MRGPRX2: variants seen among roughly 807,000 people sequenced by gnomAD.
The protein encoded by MRGPRX2 is MAS related GPR family member X2.
For missense variants in MRGPRX2, 389 were observed against 404.5 expected (o/e 0.96, Z 0.33); for synonymous variants, 183 against 175.6 (o/e 1.04, Z -0.33).
At chr11:19,056,751 G>T (rs1249211565) in intron 1 of MRGPRX2, among the ~76,000 whole-genome samples, 1 of 152,146 alleles carries the variant, frequency 6.6e-6, no homozygotes, top group Non-Finnish European at 1.5e-5. Context: ...AATATGTGGG[G>T]CAGCAAGAGA....
At chr11:19,059,150 T>A (rs1166867671) in intron 1 of MRGPRX2, among the ~76,000 whole-genome samples, 1 of 152,204 alleles carries the variant, frequency 6.6e-6, no homozygotes, top group Non-Finnish European at 1.5e-5. Context: ...AAAGGCCCAT[T>A]TCTCAGCTTC....
In MRGPRX2 at chr11:19,055,715, G is replaced by T. The variant is rs1849608737; in HGVS notation, c.688C>A (p.Leu230Met). 6.2e-7 allele frequency: 1 copy of T among 1,614,096 alleles called. No individual in the cohort carries two copies. Among genetic ancestry groups the T allele is most frequent in the South Asian group, 1.1e-5 (1 of 91,082 alleles). Residue 230 changes from leucine (L) to methionine (M), a missense_variant, in exon 2 of 2, where the codon CTG (leucine) becomes ATG (methionine). By Grantham distance (15) the Leu-to-Met change is conservative. Transcript: ENST00000329773. ...RLYLTILLTVLVFLLCGLPFG... is the reference protein window; with the variant it reads ...RLYLTILLTVMVFLLCGLPFG... ...GGCAGGCCGCAGAGGAGGAACACCAGCACTGTGAGCAGGATGGTCAGGTAC... is the reference window on the plus strand; with the variant it reads ...GGCAGGCCGCAGAGGAGGAACACCATCACTGTGAGCAGGATGGTCAGGTAC...
Position 19,055,998 on chromosome 11 carries a change from G to C in MRGPRX2, c.405C>G (p.Ile135Met). Residue 135 changes from isoleucine (I) to methionine (M), a missense_variant, in exon 2 of 2, where the codon ATC becomes ATG. Coordinates refer to ENST00000329773, the MANE Select transcript of MRGPRX2 (RefSeq NM_054030.4). The part of the protein sequence containing the change: ...TERCLSVLWP[I>M]WYRCRRPRHL... The stretch of plus-strand genomic sequence containing the variant: ...GTCTGGGGCGGCGGCAGCGATACCA[G>C]ATGGGCCACAGGACGGACAGGCAGC... 3 of 1,614,236 alleles carry C rather than the reference G, an allele frequency of 1.9e-6. No individual in the cohort carries two copies. Among genetic ancestry groups the C allele is most frequent in the Non-Finnish European group, 2.5e-6 (3 of 1,180,054 alleles).
At chr11:19,059,181 T>C (rs906952987) in intron 1 of MRGPRX2, among the ~76,000 whole-genome samples, 4 of 152,212 alleles carry the variant, frequency 2.6e-5, no homozygotes, top group African/African-American at 9.6e-5. Flanking sequence ...AATGGCACCA[T>C]GTAACCATAT....
chr11:19,059,789 C>T (rs1188458400), intron 1 of MRGPRX2, among the ~76,000 whole-genome samples: 2 of 152,200 alleles, frequency 1.3e-5, no homozygotes, highest in Admixed American at 6.5e-5. Context: ...CATGTCTGTG[C>T]CTCGTCAATG....
intron 1 of MRGPRX2, among the ~76,000 whole-genome samples, chr11:19,057,156 C>T (rs1849627416): frequency 6.6e-6 from 1 of 152,034 alleles, no homozygotes; most frequent in Non-Finnish European, 1.5e-5. Context: ...AAAATTTGGG[C>T]TAAGTGGAAC....
rs746289034 is a variant in MRGPRX2, at chr11:19,056,394, T to G, written c.9A>C (p.Pro3=). 9.3e-6 allele frequency: 15 copies of G among 1,609,318 alleles called. No individual in the cohort carries two copies. The South Asian group carries it at 1.6e-4, about 18-fold the overall frequency. The stretch of plus-strand genomic sequence containing the variant: ...TTTCTGTTCCCCAGGCCGGGGTGGT[T>G]GGATCCATGCTCAGAAAACCTCCAC... MD[P]TTPAWGTEST... The change falls in exon 2 of 2, where the codon CCA becomes CCC. Residue 3 remains proline (P), a synonymous_variant. Transcript: ENST00000329773.
chr11:19,055,957 A>G lies in MRGPRX2; in HGVS notation c.446T>C (p.Val149Ala), dbSNP rs760284701. ...GGACAGGGCCCAGAGCAGGACACAC[A>G]CGACCGCTGACAGGTGTCTGGGGCG... is the stretch of plus-strand genomic sequence containing the variant. Reference protein sequence around the residue: ...CRRPRHLSAVVCVLLWALSLL... With the variant: ...CRRPRHLSAVACVLLWALSLL... Residue 149 changes from valine (V) to alanine (A), a missense_variant, in exon 2 of 2, where the codon GTG becomes GCG. Val to Ala is a moderately conservative substitution (Grantham distance 64). Transcript: ENST00000329773. The G allele has an allele frequency of 6.2e-7, 1 of 1,614,168 alleles. No individual in the cohort carries two copies. The highest frequency in any genetic ancestry group is 2.2e-5 in the East Asian group (1 of 44,876).
intron 1 of MRGPRX2, among the ~76,000 whole-genome samples, chr11:19,056,898 G>A (rs7104779): frequency 0.3 from 45,282 of 151,966 alleles, 7,072 homozygotes; most frequent in African/African-American, 0.4. Context: ...AATGGAGATT[G>A]TGATTTAGGG....
Position 19,055,578 on chromosome 11 carries a change from G to A in MRGPRX2, c.825C>T (p.Asn275=). 3.1e-6 allele frequency: 5 copies of A among 1,614,194 alleles called. No homozygotes were observed. The highest frequency in any genetic ancestry group is 1.1e-5 in the South Asian group (1 of 91,086). Residue 275 remains asparagine (N), a synonymous_variant, in exon 2 of 2, where the codon AAC becomes AAT. Transcript: ENST00000329773. The part of the protein sequence containing the change: ...VVLSSLNSSA[N]PIIYFFVGSF... ...AGCCCACGAAGAAGTAAATGATGGG[G>A]TTGGCACTGCTGTTAAGAGATGACA...
intron 1 of MRGPRX2, among the ~76,000 whole-genome samples, chr11:19,058,395 C>A (rs149679653): frequency 1.3e-5 from 2 of 151,414 alleles, no homozygotes; most frequent in Non-Finnish European, 2.9e-5. Context: ...CCTTTTTATT[C>A]GTGGCACTGA....
chr11:19,054,775 C>T lies in MRGPRX2; in HGVS notation c.*635G>A, dbSNP rs1164245199. ...TAAATATGTGTTGACATTGATTTATCTAATTATAAAACTTAATTTCATGTT... is the reference window on the plus strand; with the variant it reads ...TAAATATGTGTTGACATTGATTTATTTAATTATAAAACTTAATTTCATGTT... On this transcript the variant is annotated 3_prime_UTR_variant, in exon 2 of 2. Coordinates refer to ENST00000329773, the MANE Select transcript of MRGPRX2 (RefSeq NM_054030.4). The T allele has an allele frequency of 6.6e-6, 1 of 152,222 alleles. No individual in the cohort carries two copies. Among genetic ancestry groups the T allele is most frequent in the Admixed American group, 6.5e-5 (1 of 15,282 alleles). The allele number at this position is 152,222 out of a possible 1,614,324, so 9.4% of individuals were successfully genotyped here.
At chr11:19,058,546 G>A (rs189862353) in intron 1 of MRGPRX2, among the ~76,000 whole-genome samples, 28 of 151,294 alleles carry the variant, frequency 1.9e-4, no homozygotes, top group Admixed American at 5.3e-4. Flanking sequence ...TCAGCCTCCC[G>A]AGTAGCTGGG....
At chr11:19,058,902 G>T (rs1429193066) in intron 1 of MRGPRX2, among the ~76,000 whole-genome samples, 1 of 152,182 alleles carries the variant, frequency 6.6e-6, no homozygotes, top group East Asian at 1.9e-4. Flanking sequence ...GTGTACAAAA[G>T]AGTTTCCTGA....
Position 19,056,151 on chromosome 11 carries a change from T to G in MRGPRX2, c.252A>C (p.Ile84=). ...ADFLFLCFQI[I]NCLVYLSNFF... is the part of the protein sequence containing the mutation. Reference sequence around the variant, plus strand: ...AGTTACTGAGGTACACCAGGCAATTTATAATCTGGAAGCAGAGGAAGAGGA... The same window carrying G: ...AGTTACTGAGGTACACCAGGCAATTGATAATCTGGAAGCAGAGGAAGAGGA... Residue 84 remains isoleucine, a synonymous_variant, in exon 2 of 2, where the codon ATA becomes ATC. Transcript: ENST00000329773. The G allele has an allele frequency of 6.2e-7, 1 of 1,614,126 alleles. No homozygotes were observed. The highest frequency in any genetic ancestry group is 8.5e-7 in the Non-Finnish European group (1 of 1,180,026).
intron 1 of MRGPRX2, 47 bp from the exon 2 acceptor site, chr11:19,056,474 T>C (rs1849621760): frequency 6.5e-7 from 1 of 1,535,524 alleles, no homozygotes. Flanking sequence ...GTTCACTGAT[T>C]TTCATGACCA....
chr11:19,060,145 A>T (rs868266926), intron 1 of MRGPRX2, among the ~76,000 whole-genome samples: 2 of 152,202 alleles, frequency 1.3e-5, no homozygotes, highest in African/African-American at 4.8e-5. Context: ...TGAGGGCTTC[A>T]TCATTCCTTA....
Position 19,055,355 on chromosome 11 carries a change from G to C in MRGPRX2, c.*55C>G. 2.6e-6 allele frequency: 4 copies of C among 1,527,832 alleles called. No individual in the cohort carries two copies. The highest frequency in any genetic ancestry group is 3.5e-6 in the Non-Finnish European group (4 of 1,133,566). The allele number at this position is 1,527,832 out of a possible 1,614,324, so 94.6% of individuals were successfully genotyped here. On this transcript the variant is annotated 3_prime_UTR_variant, in exon 2 of 2. Coordinates refer to ENST00000329773, the MANE Select transcript of MRGPRX2 (RefSeq NM_054030.4). Reference sequence around the variant, plus strand: ...AGTTCAGCAAATCAGACAGACAGGGGCAAAGTTGCCTCTCAAAGCCACATA... The same window carrying C: ...AGTTCAGCAAATCAGACAGACAGGGCCAAAGTTGCCTCTCAAAGCCACATA...
chr11:19,056,496 G>T, intron 1 of MRGPRX2, 69 bp from the exon 2 acceptor site: 1 of 1,432,816 alleles, frequency 7.0e-7, no homozygotes. Flanking sequence ...CCTGTTATGT[G>T]GTAATTACCG....
Sources: allele counts gnomAD v4.1 joint callset (sites outside exome capture counted in the v4.1 genomes callset), GRCh38; gene constraint gnomAD v4.1.1; transcripts MANE v1.5; gene names NCBI Gene and HGNC (gene_info 2026-07-23, HGNC 2026-07-21).